The following TLN2 variants were observed in gnomAD, a reference collection of about 807,000 sequenced individuals.
TLN2 encodes talin 2, also known as talin-2.
TLN2 carries 118 observed loss-of-function variants against 294.7 expected under a neutral mutation model. That is an observed-to-expected ratio of 0.40 (90% CI 0.34 to 0.47). TLN2 has a LOEUF of 0.47. Among genes scored for constraint, TLN2 ranks in the 20% least tolerant of loss-of-function variants. TLN2 has a pLI of 0.84. For missense variants in TLN2, 3,083 were observed against 3,282.2 expected (o/e 0.94, Z 1.48); for synonymous variants, 1,431 against 1,304.5 (o/e 1.10, Z -2.09).
At chr15:62,801,746 C>T (rs2065942042) in intron 50 of TLN2, among the ~76,000 whole-genome samples, 1 of 152,200 alleles carries the variant, frequency 6.6e-6, no homozygotes, top group Non-Finnish European at 1.5e-5. Flanking sequence ...CACTGCCTGG[C>T]ACTTGCCTGG....
At chr15:62,529,333 A>G (rs938360172) in intron 1 of TLN2, among the ~76,000 whole-genome samples, 3 of 152,054 alleles carry the variant, frequency 2.0e-5, no homozygotes, top group African/African-American at 7.2e-5. Context: ...GACTCAGGCA[A>G]TCTTCCCACC....
chr15:62,787,240 C>T (rs1475562092), intron 45 of TLN2, among the ~76,000 whole-genome samples: 1 of 152,140 alleles, frequency 6.6e-6, no homozygotes, highest in East Asian at 1.9e-4. Flanking sequence ...AAGTTCCATT[C>T]TTGCCTTTTC....
intron 28 of TLN2, among the ~76,000 whole-genome samples, chr15:62,730,092 T>A (rs2140940446): frequency 1.5e-5 from 2 of 135,342 alleles, no homozygotes; most frequent in South Asian, 5.1e-4. Flanking sequence ...GCAGTGGCAC[T>A]ATCTTGGCTC....
At chr15:62,748,945 G>C (rs1212855713) in intron 33 of TLN2, among the ~76,000 whole-genome samples, 1 of 152,238 alleles carries the variant, frequency 6.6e-6, no homozygotes, top group Non-Finnish European at 1.5e-5. Flanking sequence ...CAGGATGGCT[G>C]TGGGGCCCCT....
chr15:62,428,514 C>G (rs955946838), intron 1 of TLN2, among the ~76,000 whole-genome samples: 1 of 152,228 alleles, frequency 6.6e-6, no homozygotes, highest in Non-Finnish European at 1.5e-5. Flanking sequence ...CGTGAAGCCA[C>G]GTGCCTTGAT....
At chr15:62,581,637 G>C (rs759662214) in intron 1 of TLN2, among the ~76,000 whole-genome samples, 7 of 152,182 alleles carry the variant, frequency 4.6e-5, no homozygotes, top group Non-Finnish European at 1.0e-4. Flanking sequence ...GAAAGCCTTT[G>C]TTTGCTTTGG....
intron 54 of TLN2, among the ~76,000 whole-genome samples, chr15:62,825,974 C>T (rs1403811949): frequency 2.1e-5 from 3 of 144,338 alleles, no homozygotes; most frequent in African/African-American, 5.3e-5. Flanking sequence ...TGCCGTGAGC[C>T]GGGATCGTGC....
At chr15:62,417,985 G>A (rs1022615526) in intron 1 of TLN2, among the ~76,000 whole-genome samples, 1 of 152,234 alleles carries the variant, frequency 6.6e-6, no homozygotes, top group Non-Finnish European at 1.5e-5. Context: ...TTAATGTAGA[G>A]AGGACACATG....
chr15:62,680,997 G>C (rs2056780704), intron 11 of TLN2, among the ~76,000 whole-genome samples: 1 of 152,122 alleles, frequency 6.6e-6, no homozygotes, highest in African/African-American at 2.4e-5. Flanking sequence ...CACTTAGGTT[G>C]GGTCCACATC....
chr15:62,499,492 G>C (rs1431440578), intron 1 of TLN2, among the ~76,000 whole-genome samples: 1 of 152,164 alleles, frequency 6.6e-6, no homozygotes. Context: ...TTGAAACCAA[G>C]CCTCTTTTAA....
chr15:62,743,680 C>G (rs1394142602), intron 32 of TLN2, among the ~76,000 whole-genome samples: 1 of 152,156 alleles, frequency 6.6e-6, no homozygotes, highest in Non-Finnish European at 1.5e-5. Context: ...GCCCCCTAAA[C>G]TTAGTCAAGG....
chr15:62,609,132 C>G (rs569197361), intron 2 of TLN2, among the ~76,000 whole-genome samples: 2 of 152,220 alleles, frequency 1.3e-5, no homozygotes, highest in East Asian at 1.9e-4. Context: ...GTCACACTGA[C>G]TGTTCTATGT....
At chr15:62,585,151 C>T (rs1275586755) in intron 1 of TLN2, among the ~76,000 whole-genome samples, 1 of 152,198 alleles carries the variant, frequency 6.6e-6, no homozygotes, top group East Asian at 1.9e-4. Flanking sequence ...ATCCTGCACA[C>T]TCCAGATCCC....
intron 1 of TLN2, among the ~76,000 whole-genome samples, chr15:62,401,831 AG>A (rs1469879580): frequency 1.3e-5 from 2 of 152,202 alleles, no homozygotes; most frequent in Admixed American, 6.5e-5. Context: ...ACCCTGCTTC[AG>A]CCATCGCTCA....
chr15:62,754,077 T>C (rs2062087892), intron 36 of TLN2, 161 bp downstream of exon 36: 1 of 997,502 alleles, frequency 1.0e-6, no homozygotes, highest in Non-Finnish European at 1.3e-6. Context: ...GGAGCAAATA[T>C]TGCAAAATAT....
chr15:62,396,175 T>G (rs2032530985), intron 1 of TLN2, among the ~76,000 whole-genome samples: 1 of 152,214 alleles, frequency 6.6e-6, no homozygotes, highest in Non-Finnish European at 1.5e-5. Flanking sequence ...TGTATGACCT[T>G]GGAGAAAGAT....
intron 1 of TLN2, among the ~76,000 whole-genome samples, chr15:62,557,704 G>A (rs1442007144): frequency 6.6e-6 from 1 of 152,112 alleles, no homozygotes. Context: ...ACCACACCCG[G>A]CTAATTTTTT....
At position 62,713,413 on chromosome 15, in the gene TLN2, ACACG is replaced by A. The variant is rs2059556475; in HGVS notation, c.2634+1338_2634+1341del. ...TGTATTGTGGGCTGGGCATGGTGGC[ACACG>A]CCTGTAATCCCAGCACTTTGAGAGG... On this transcript the variant is annotated intron_variant, in intron 22 of 58. Transcript: ENST00000636159. Among the ~76,000 whole-genome samples, 8 of 151,804 alleles carry A rather than the reference ACACG, an allele frequency of 5.3e-5. No homozygotes were observed. The South Asian group carries it at 1.7e-3, about 32-fold the overall frequency.
intron 1 of TLN2, among the ~76,000 whole-genome samples, chr15:62,456,909 G>A (rs1032242960): frequency 2.0e-5 from 3 of 152,076 alleles, no homozygotes; most frequent in Admixed American, 6.6e-5. Flanking sequence ...CTGGCATTAG[G>A]CCACCAAGCT....
Sources: allele counts gnomAD v4.1 joint callset (sites outside exome capture counted in the v4.1 genomes callset), GRCh38; gene constraint gnomAD v4.1.1; transcripts MANE v1.5; gene names NCBI Gene and HGNC (gene_info 2026-07-23, HGNC 2026-07-21).